DLC1: variants seen among roughly 807,000 people sequenced by gnomAD.
DLC1 encodes rho GTPase-activating protein 7.
A neutral mutation model predicts 140.3 loss-of-function variants in DLC1; 54 were observed. That is an observed-to-expected ratio of 0.38 (90% CI 0.31 to 0.48). DLC1 has a LOEUF of 0.48. DLC1 is among the 20% of genes least tolerant of loss of function. The pLI is 0.96. For missense variants in DLC1, 2,536 were observed against 1,907.0 expected (o/e 1.33, Z -6.14); for synonymous variants, 986 against 728.1 (o/e 1.35, Z -5.70).
chr8:13,312,376 A>AAAAAAAAAAAAAAAAAT, intron 4 of DLC1, among the ~76,000 whole-genome samples: 1 of 116,112 alleles, frequency 8.6e-6, no homozygotes, highest in Non-Finnish European at 1.8e-5. Context: ...AAAAAAAAAA[A>AAAAAAAAAAAAAAAAAT]AAAAAAAAAA....
intron 3 of DLC1, among the ~76,000 whole-genome samples, chr8:13,398,637 T>C (rs1051070209): frequency 4.9e-5 from 7 of 142,132 alleles, no homozygotes; most frequent in Non-Finnish European, 9.2e-5. Flanking sequence ...TAGCCAGCCA[T>C]GGCGATGCAT....
rs186395613 is a variant in DLC1 at position 13,337,921 on chromosome 8, A to G, written c.1315-32619T>C. ...AAAAATCCCCATATAGGAATTGTAT[A>G]TGCAATTTATTACACTTCATTCATT... On this transcript the variant is annotated intron_variant, in intron 4 of 17. Transcript: ENST00000276297. Among the ~76,000 whole-genome samples the G allele has an allele frequency of 3.1e-3, 465 of 152,332 alleles. 1 individual carries two copies. The highest frequency in any genetic ancestry group is 4.5e-3 in the Non-Finnish European group (306 of 68,034).
Position 13,100,880 on chromosome 8 carries a change from G to A in DLC1, c.1567-110C>T, listed in dbSNP as rs930688263. The A allele has an allele frequency of 2.7e-5, 26 of 972,670 alleles. No individual in the cohort carries two copies. In the African/African-American group the frequency reaches 4.5e-4, roughly 17 times the overall value. The allele number at this position is 972,670 out of a possible 1,614,324, so 60.3% of individuals were successfully genotyped here. On this transcript the variant is annotated intron_variant, in intron 8 of 17. Transcript: ENST00000276297. The stretch of plus-strand genomic sequence containing the variant: ...TGCCAGTAGTATCAATTTCCCCCTT[G>A]TACTTCATGATTTTAATTTTAAAGT...
At chr8:13,475,676 T>C (rs143583535) in intron 2 of DLC1, among the ~76,000 whole-genome samples, 1 of 152,198 alleles carries the variant, frequency 6.6e-6, no homozygotes. Context: ...GGAGGTGAAC[T>C]GGGGAAAATA....
intron 5 of DLC1, among the ~76,000 whole-genome samples, chr8:13,154,529 T>C (rs1824102529): frequency 1.3e-5 from 2 of 152,276 alleles, no homozygotes; most frequent in Admixed American, 6.5e-5. Flanking sequence ...CCGGAACTCG[T>C]GCTGGCCCAC....
chr8:13,091,294 G>A, intron 14 of DLC1, 24 bp downstream of exon 14: 1 of 1,611,150 alleles, frequency 6.2e-7, no homozygotes. Flanking sequence ...CTTAATAAAG[G>A]AGCCAAACTT....
chr8:13,232,527 T>A (rs1238357196), intron 5 of DLC1, among the ~76,000 whole-genome samples: 1 of 151,982 alleles, frequency 6.6e-6, no homozygotes, highest in African/African-American at 2.4e-5. Context: ...AGAGACGGGG[T>A]TTCACATGTT....
intron 2 of DLC1, among the ~76,000 whole-genome samples, chr8:13,409,175 T>C (rs111279393): frequency 0.015 from 2,258 of 152,294 alleles, 34 homozygotes; most frequent in South Asian, 0.046. Context: ...TACCACTGTA[T>C]CTTCCTTAAT....
chr8:13,381,463 T>A (rs1174551452), intron 4 of DLC1, among the ~76,000 whole-genome samples: 1 of 152,172 alleles, frequency 6.6e-6, no homozygotes, highest in Non-Finnish European at 1.5e-5. Context: ...TTGATTAGGA[T>A]AGGTTCATAT....
chr8:13,461,824 C>T (rs894789976), intron 2 of DLC1, among the ~76,000 whole-genome samples: 1 of 152,066 alleles, frequency 6.6e-6, no homozygotes, highest in South Asian at 2.1e-4. Flanking sequence ...TCTTCGTTAC[C>T]CCGTACTATC....
rs570209630 is a variant in DLC1 at position 13,395,142 on chromosome 8, A to G, written c.1174-1449T>C. Reference sequence around the variant, plus strand: ...TTATAATTCTTTTTTTTTTTTTGGAATGGAGTCTCACACCGTCGCCCCGGC... The same window carrying G: ...TTATAATTCTTTTTTTTTTTTTGGAGTGGAGTCTCACACCGTCGCCCCGGC... On this transcript the variant is annotated intron_variant, in intron 3 of 17. Coordinates refer to ENST00000276297, the MANE Select transcript of DLC1 (RefSeq NM_182643.3). Among the ~76,000 whole-genome samples, 979 of 140,784 alleles carry G rather than the reference A, an allele frequency of 7.0e-3. 2 individuals are homozygous for G. The highest frequency in any genetic ancestry group is 9.6e-3 in the Non-Finnish European group (627 of 65,588). The allele number at this position is 140,784 out of a possible 152,430, so 92.4% of individuals were successfully genotyped here.
intron 5 of DLC1, among the ~76,000 whole-genome samples, chr8:13,127,396 G>T (rs1477275894): frequency 1.3e-5 from 2 of 152,212 alleles, no homozygotes; most frequent in Admixed American, 1.3e-4. Context: ...TGGTTTTCCA[G>T]GCTGCCTTTG....
intron 5 of DLC1, among the ~76,000 whole-genome samples, chr8:13,181,498 C>T (rs1826033414): frequency 6.7e-6 from 1 of 149,652 alleles, no homozygotes; most frequent in Non-Finnish European, 1.5e-5. Flanking sequence ...CCCCCCACCC[C>T]ATGTCCGGTC....
intron 2 of DLC1, among the ~76,000 whole-genome samples, chr8:13,412,141 G>A (rs1017018306): frequency 3.9e-5 from 6 of 151,954 alleles, no homozygotes; most frequent in African/African-American, 1.5e-4. Flanking sequence ...TAATAAAATT[G>A]GTCAAAGCAT....
chr8:13,575,117 T>C (rs1339516216), intron 1 of DLC1, among the ~76,000 whole-genome samples: 2 of 152,230 alleles, frequency 1.3e-5, no homozygotes, highest in East Asian at 3.9e-4. Context: ...ATTTTCCAAC[T>C]GGCAGTCAAC....
At chr8:13,441,627 A>G (rs1798513483) in intron 2 of DLC1, among the ~76,000 whole-genome samples, 1 of 152,158 alleles carries the variant, frequency 6.6e-6, no homozygotes, top group Admixed American at 6.5e-5. Flanking sequence ...AAAGGGAATA[A>G]AATACCTAGG....
chr8:13,239,880 G>C (rs1229909855), intron 5 of DLC1, among the ~76,000 whole-genome samples: 1 of 152,162 alleles, frequency 6.6e-6, no homozygotes, highest in African/African-American at 2.4e-5. Flanking sequence ...CCATCAGGAG[G>C]GAAAGCAGAA....
chr8:13,126,809 C>T (rs767161840), intron 5 of DLC1, among the ~76,000 whole-genome samples: 10 of 152,102 alleles, frequency 6.6e-5, no homozygotes, highest in Non-Finnish European at 1.2e-4. Flanking sequence ...TATAGTTCTG[C>T]GATAGCACAG....
At chr8:13,333,136 G>T (rs1014377942) in intron 4 of DLC1, among the ~76,000 whole-genome samples, 42 of 151,972 alleles carry the variant, frequency 2.8e-4, no homozygotes, top group African/African-American at 9.7e-4. Context: ...TGTCCTTATT[G>T]CATGCATGAA....
Sources: allele counts gnomAD v4.1 joint callset (sites outside exome capture counted in the v4.1 genomes callset), GRCh38; gene constraint gnomAD v4.1.1; transcripts MANE v1.5; gene names NCBI Gene and HGNC (gene_info 2026-07-23, HGNC 2026-07-21).